LONRF3: variants seen among roughly 807,000 people sequenced by gnomAD.
The protein encoded by LONRF3 is LON peptidase N-terminal domain and ring finger 3.
Under a neutral mutation model 51.7 loss-of-function variants are expected in LONRF3, and 19 were observed. The ratio of observed to expected loss-of-function variants is 0.37; its 90% CI spans 0.26 to 0.54. LONRF3 has a LOEUF of 0.54. Among genes scored for constraint, LONRF3 ranks in the 20% least tolerant of loss-of-function variants. The probability of loss-of-function intolerance (pLI) is 0.86; values close to 1 mark genes in which losing one functional copy is unlikely to be tolerated. For synonymous variants in LONRF3, 265 were observed against 257.8 expected (o/e 1.03, Z -0.27); for missense variants, 521 against 623.9 (o/e 0.84, Z 1.76).
chrX:118,987,319 C>T (rs910023905), intron 3 of LONRF3, among the ~76,000 whole-genome samples: 10 of 110,195 alleles, frequency 9.1e-5, no homozygotes, highest in Non-Finnish European at 1.7e-4. Context: ...TTTCTATCAC[C>T]CAGGCTGGAG....
intron 5 of LONRF3, among the ~76,000 whole-genome samples, chrX:118,997,428 A>G (rs979336185): frequency 3.6e-5 from 4 of 112,331 alleles, no homozygotes; most frequent in African/African-American, 1.3e-4. Context: ...CATGTAGGAG[A>G]ATGAAACTGA....
At chrX:118,998,581 C>T (rs1223230462) in intron 5 of LONRF3, among the ~76,000 whole-genome samples, 1 of 111,763 alleles carries the variant, frequency 8.9e-6, no homozygotes, top group Non-Finnish European at 1.9e-5. Flanking sequence ...TAACCAAATA[C>T]CTCCTGTACC....
At chrX:118,999,646 C>A (rs1341306579) in intron 5 of LONRF3, among the ~76,000 whole-genome samples, 1 of 111,849 alleles carries the variant, frequency 8.9e-6, no homozygotes, top group Non-Finnish European at 1.9e-5. Flanking sequence ...TCCCTTTCAT[C>A]TTGTTTGTCC....
At chrX:118,983,797 G>A (rs1233293498) in intron 3 of LONRF3, among the ~76,000 whole-genome samples, 3 of 112,069 alleles carry the variant, frequency 2.7e-5, no homozygotes, top group African/African-American at 3.3e-5. Flanking sequence ...AAGAAAGTGA[G>A]CAAGAGACAG....
intron 4 of LONRF3, 51 bp downstream of exon 4, chrX:118,989,723 A>G: frequency 1.8e-6 from 2 of 1,141,658 alleles, no homozygotes; most frequent in Non-Finnish European, 2.3e-6. Flanking sequence ...CCCCGGGCTC[A>G]CCAATATATA....
chrX:118,995,960 G>A (rs1240845072), intron 5 of LONRF3, among the ~76,000 whole-genome samples: 1 of 111,819 alleles, frequency 8.9e-6, no homozygotes, highest in African/African-American at 3.2e-5. Context: ...TATTCCACAA[G>A]ATAAAGAGGG....
chrX:118,984,379 A>G (rs956250955), intron 3 of LONRF3, among the ~76,000 whole-genome samples: 2 of 112,561 alleles, frequency 1.8e-5, no homozygotes, highest in Non-Finnish European at 3.7e-5. Flanking sequence ...TTCCAGGATG[A>G]ACAAAGGCAG....
At chrX:119,015,842 A>T (rs767187909) in intron 10 of LONRF3, among the ~76,000 whole-genome samples, 22 of 112,450 alleles carry the variant, frequency 2.0e-4, no homozygotes, top group Non-Finnish European at 3.9e-4. Context: ...GCTCCAGTCA[A>T]TGCTGCATCC....
At chrX:119,005,535 T>A in intron 5 of LONRF3, among the ~76,000 whole-genome samples, 1 of 112,263 alleles carries the variant, frequency 8.9e-6, no homozygotes, top group East Asian at 2.8e-4. Context: ...ACAATACTAT[T>A]CTCCTGCCCC....
intron 3 of LONRF3, among the ~76,000 whole-genome samples, chrX:118,988,775 AT>A (rs1189904516): frequency 1.0e-5 from 1 of 96,073 alleles, no homozygotes; most frequent in Non-Finnish European, 2.1e-5. Flanking sequence ...GACATTGTTG[AT>A]TTTTTTTGCC....
chrX:119,016,850 A>G (rs763422581), intron 10 of LONRF3, among the ~76,000 whole-genome samples: 1 of 111,803 alleles, frequency 8.9e-6, no homozygotes, highest in South Asian at 3.8e-4. Context: ...GCAAAGGTCA[A>G]GGGGTCATGG....
At chrX:118,990,636 A>G (rs958024857) in intron 5 of LONRF3, 76 bp downstream of exon 5, 4 of 819,987 alleles carry the variant, frequency 4.9e-6, no homozygotes, top group East Asian at 3.2e-5. Context: ...CTAGTGACCT[A>G]CTGCTGGGTT....
intron 5 of LONRF3, among the ~76,000 whole-genome samples, chrX:118,994,170 CTACGG>C (rs1414396657): frequency 3.6e-5 from 4 of 111,731 alleles, no homozygotes; most frequent in African/African-American, 1.3e-4. Context: ...ACAATGAATG[CTACGG>C]TACGGTACAC....
intron 3 of LONRF3, among the ~76,000 whole-genome samples, chrX:118,983,773 C>CA (rs1285399585): frequency 8.9e-6 from 1 of 111,885 alleles, no homozygotes; most frequent in Non-Finnish European, 1.9e-5. Flanking sequence ...TGTGGTTTGG[C>CA]AGAGCAGTGG....
intron 7 of LONRF3, among the ~76,000 whole-genome samples, chrX:119,010,445 C>T (rs1925022475): frequency 9.0e-6 from 1 of 111,568 alleles, no homozygotes; most frequent in African/African-American, 3.3e-5. Flanking sequence ...TGAATGCACT[C>T]CTCACTTAGA....
intron 10 of LONRF3, among the ~76,000 whole-genome samples, chrX:119,015,541 C>G (rs1456896347): frequency 8.9e-6 from 1 of 111,940 alleles, no homozygotes; most frequent in East Asian, 2.8e-4. Context: ...TGTGACCCAG[C>G]TCCTGGCTCT....
At chrX:118,998,797 T>C (rs1387011865) in intron 5 of LONRF3, among the ~76,000 whole-genome samples, 1 of 111,665 alleles carries the variant, frequency 9.0e-6, no homozygotes, top group Non-Finnish European at 1.9e-5. Context: ...TGCCTCCCAG[T>C]TCAGGCAATT....
intron 10 of LONRF3, among the ~76,000 whole-genome samples, chrX:119,015,176 C>CT (rs1925357258): frequency 1.8e-5 from 2 of 111,782 alleles, no homozygotes; most frequent in African/African-American, 6.5e-5. Flanking sequence ...ACGACCATCT[C>CT]TTCCTATGCT....
chrX:118,978,998 C>CTTTTTT (rs36016675), intron 2 of LONRF3, among the ~76,000 whole-genome samples: 2 of 56,117 alleles, frequency 3.6e-5, no homozygotes, highest in Non-Finnish European at 6.0e-5. Flanking sequence ...TGTTTTCTTT[C>CTTTTTT]TTTTTTTTTT....
Sources: allele counts gnomAD v4.1 joint callset (sites outside exome capture counted in the v4.1 genomes callset), GRCh38; gene constraint gnomAD v4.1.1; transcripts MANE v1.5; gene names NCBI Gene and HGNC (gene_info 2026-07-23, HGNC 2026-07-21).